The following SPTBN1 variants were observed in gnomAD, a reference collection of about 807,000 sequenced individuals.
SPTBN1 encodes spectrin beta chain, non-erythrocytic 1.
SPTBN1 carries 32 observed loss-of-function variants against 266.4 expected under a neutral mutation model. That is an observed-to-expected ratio of 0.12 (90% CI 0.09 to 0.16). SPTBN1 has a LOEUF of 0.16. Among genes scored for constraint, SPTBN1 ranks in the 10% least tolerant of loss-of-function variants. The probability of loss-of-function intolerance (pLI) is 1.00; values close to 1 mark genes in which losing one functional copy is unlikely to be tolerated. For missense variants in SPTBN1, 2,296 were observed against 3,067.1 expected, an observed-to-expected ratio of 0.75 and a Z score of 5.94; for synonymous variants, 1,336 against 1,162.2, an observed-to-expected ratio of 1.15 and a Z score of -3.04.
At position 54,664,168 on chromosome 2, in the gene SPTBN1, G is replaced by A. The variant is rs1480180997; in HGVS notation, c.6421-285G>A. 1 of 309,254 alleles carries A rather than the reference G, an allele frequency of 3.2e-6. No individual in the cohort carries two copies. Among genetic ancestry groups the A allele is most frequent in the East Asian group, 5.8e-5 (1 of 17,362 alleles). 19.2% of individuals were successfully genotyped at this position (309,254 alleles called of 1,614,324 possible). ...TTTTGTTTTAAAGTAACCATAAGAG[G>A]AGATGATCTGAGTTATATTTATTGA... On this transcript the variant is annotated intron_variant, in intron 32 of 35. Transcript: ENST00000356805. The surrounding 1 kb of genome is among the most constrained non-coding windows in gnomAD (Gnocchi z 5.6).
chr2:54,606,923 C>T (rs1191108682), intron 3 of SPTBN1, among the ~76,000 whole-genome samples: 4 of 152,178 alleles, frequency 2.6e-5, no homozygotes, highest in African/African-American at 9.7e-5. Flanking sequence ...AGATTAAGCC[C>T]ACCCGTATTT....
At chr2:54,557,268 C>A (rs972873659) in intron 2 of SPTBN1, among the ~76,000 whole-genome samples, 2 of 152,092 alleles carry the variant, frequency 1.3e-5, no homozygotes, top group African/African-American at 4.8e-5. Context: ...GGGACCACGT[C>A]TTTACTACAT....
Position 54,624,299 on chromosome 2 carries a change from G to C in SPTBN1, c.1183-505G>C, listed in dbSNP as rs570052423. Among the ~76,000 whole-genome samples the C allele has an allele frequency of 1.2e-4, 18 of 152,122 alleles. No homozygotes were observed. In the South Asian group the frequency reaches 3.7e-3, roughly 32 times the overall value. On this transcript the variant is annotated intron_variant, in intron 10 of 35. Transcript: ENST00000356805. ...CCCACTTAGATTCCTTCGAGTGGAA[G>C]GTTTGATTTTTTTTTTTAGGTGAAG...
At chr2:54,511,660 T>TC (rs1669862998) in intron 1 of SPTBN1, among the ~76,000 whole-genome samples, 1 of 152,096 alleles carries the variant, frequency 6.6e-6, no homozygotes, top group South Asian at 2.1e-4. Context: ...GGTCAGGAGT[T>TC]CGAGACCAGC....
intron 1 of SPTBN1, among the ~76,000 whole-genome samples, chr2:54,503,215 C>G (rs1008378826): frequency 3.3e-5 from 5 of 152,234 alleles, no homozygotes; most frequent in Non-Finnish European, 2.9e-5. Flanking sequence ...TTATGCTCAG[C>G]TTTTTTGCAT....
At chr2:54,471,783 T>A (rs1693930661) in intron 1 of SPTBN1, among the ~76,000 whole-genome samples, 1 of 145,434 alleles carries the variant, frequency 6.9e-6, no homozygotes, top group Admixed American at 7.4e-5. Context: ...CAAGAGGTGC[T>A]TTCCTCTTTT....
intron 2 of SPTBN1, among the ~76,000 whole-genome samples, chr2:54,544,479 G>A (rs1315196661): frequency 6.6e-6 from 1 of 152,154 alleles, no homozygotes; most frequent in Non-Finnish European, 1.5e-5. Context: ...AGAAGAGCCA[G>A]ACCTTGCCTA....
intron 7 of SPTBN1, 140 bp downstream of exon 7, chr2:54,618,333 A>C: frequency 1.4e-6 from 1 of 705,660 alleles, no homozygotes; most frequent in Non-Finnish European, 2.3e-6. Flanking sequence ...GAATTTTTTG[A>C]GGATTTATGG....
Position 54,649,627 on chromosome 2 carries a change from C to T in SPTBN1, c.5215C>T (p.Arg1739Ter). ...ATCCCCGTTTCAGATGTTACAAGAA[C>T]GATTCCGGGAGTTTGCCCGAGACAC... ...DYEHVTMLQE[R>*]FREFARDTGN... Residue 1739 changes from arginine (R) to a stop codon, truncating the protein, a stop_gained, in exon 26 of 36, where the codon CGA (arginine) becomes TGA (stop). Coordinates refer to ENST00000356805, the MANE Select transcript of SPTBN1 (RefSeq NM_003128.3). LOFTEE classifies it high-confidence loss of function. The surrounding 1 kb of genome is among the most constrained non-coding windows in gnomAD (Gnocchi z 6.7). 1.2e-6 allele frequency: 2 copies of T among 1,608,242 alleles called. No individual in the cohort carries two copies. The highest frequency in any genetic ancestry group is 8.5e-7 in the Non-Finnish European group (1 of 1,174,954).
chr2:54,475,779 A>G (rs555149942), intron 1 of SPTBN1, among the ~76,000 whole-genome samples: 39 of 152,222 alleles, frequency 2.6e-4, no homozygotes, highest in Non-Finnish European at 5.1e-4. Context: ...ACTGTTATTA[A>G]CAGTATGAAT....
chr2:54,636,221 C>G (rs2103977454), intron 17 of SPTBN1, among the ~76,000 whole-genome samples: 1 of 152,186 alleles, frequency 6.6e-6, no homozygotes, highest in African/African-American at 2.4e-5. Flanking sequence ...GTGGTATAAG[C>G]ATATTAAGAT....
Position 54,628,821 on chromosome 2 carries a change from G to A in SPTBN1, c.1799-112G>A. 1.5e-6 allele frequency: 2 copies of A among 1,373,718 alleles called. No homozygotes were observed. Among genetic ancestry groups the A allele is most frequent in the Non-Finnish European group, 9.8e-7 (1 of 1,019,888 alleles). The allele number at this position is 1,373,718 out of a possible 1,614,324, so 85.1% of individuals were successfully genotyped here. A position where few individuals can be genotyped will look rare whatever the true frequency, so the allele number is the denominator to read the frequency against. On this transcript the variant is annotated intron_variant, in intron 13 of 35. Coordinates refer to ENST00000356805, the MANE Select transcript of SPTBN1 (RefSeq NM_003128.3). This position sits in a 1 kb window ranked among gnomAD's most constrained non-coding sequence, Gnocchi z 4.3. ...TCGCATGGCCCTGCATTTACATTTA[G>A]CAGTGAGCTGGTAATCATAAGAATA...
At chr2:54,598,344 T>G (rs1676243593) in intron 2 of SPTBN1, among the ~76,000 whole-genome samples, 1 of 152,228 alleles carries the variant, frequency 6.6e-6, no homozygotes, top group Non-Finnish European at 1.5e-5. Context: ...GAAGAGAACA[T>G]TGAATCCTGT....
Position 54,558,396 on chromosome 2 carries a change from T to G in SPTBN1, c.148+31830T>G. On this transcript the variant is annotated intron_variant, in intron 2 of 35. Coordinates refer to ENST00000356805, the MANE Select transcript of SPTBN1 (RefSeq NM_003128.3). The surrounding 1 kb of genome is among the most constrained non-coding windows in gnomAD (Gnocchi z 4.6). ...GCCGCCGCGGGCAGCTGGGAGGAGG[T>G]GTGCGCGCTGCGCCCGCGAGCTCCC... The G allele has an allele frequency of 9.9e-7, 1 of 1,011,428 alleles. No homozygotes were observed. Among genetic ancestry groups the G allele is most frequent in the Non-Finnish European group, 1.2e-6 (1 of 846,868 alleles). The allele number at this position is 1,011,428 out of a possible 1,614,324, so 62.7% of individuals were successfully genotyped here.
At position 54,628,081 on chromosome 2, in the gene SPTBN1, T is replaced by C. The variant is rs577275224; in HGVS notation, c.1645-16T>C. On this transcript the variant is annotated splice_polypyrimidine_tract_variant and intron_variant, in intron 12 of 35. Transcript: ENST00000356805. This position sits in a 1 kb window ranked among gnomAD's most constrained non-coding sequence, Gnocchi z 4.3. ...CTATAGTCACAGATGTCCTTTTGGT[T>C]GCTTCTTGTGCACAGGTGCTAGTAT... The C allele has an allele frequency of 6.4e-5, 102 of 1,597,990 alleles. 1 individual carries two copies. In the South Asian group the frequency reaches 1.1e-3, roughly 17 times the overall value.
chr2:54,647,525 G>C (rs1027531439), intron 24 of SPTBN1, among the ~76,000 whole-genome samples: 2 of 152,206 alleles, frequency 1.3e-5, no homozygotes, highest in East Asian at 3.8e-4. Context: ...TTGGTGTCGT[G>C]AGTCAAAAGT....
At chr2:54,590,257 A>G (rs557830998) in intron 2 of SPTBN1, among the ~76,000 whole-genome samples, 1 of 152,334 alleles carries the variant, frequency 6.6e-6, no homozygotes, top group Admixed American at 6.5e-5. Flanking sequence ...TTCACCTGTC[A>G]TATATTTTTA....
chr2:54,536,100 G>A (rs898315672), intron 2 of SPTBN1, among the ~76,000 whole-genome samples: 4 of 152,138 alleles, frequency 2.6e-5, no homozygotes, highest in African/African-American at 7.2e-5. Flanking sequence ...GCCTATTGGT[G>A]GGTGTTTGGT....
intron 1 of SPTBN1, among the ~76,000 whole-genome samples, chr2:54,489,756 G>A (rs1668590572): frequency 6.6e-6 from 1 of 152,206 alleles, no homozygotes; most frequent in South Asian, 2.1e-4. Context: ...AGTTGCAGAT[G>A]ATTAAGAGCT....
Sources: allele counts gnomAD v4.1 joint callset (sites outside exome capture counted in the v4.1 genomes callset), GRCh38; gene constraint gnomAD v4.1.1; non-coding constraint Gnocchi (gnomAD v3.1); transcripts MANE v1.5; gene names NCBI Gene and HGNC (gene_info 2026-07-23, HGNC 2026-07-21).